The following EPRS1 variants were observed in gnomAD, a reference collection of about 807,000 sequenced individuals.
The protein encoded by EPRS1 is glutamyl-prolyl-tRNA synthetase 1, also known as bifunctional glutamate/proline--tRNA ligase.
In EPRS1, 107 loss-of-function variants were observed where a neutral mutation model predicts 188.3. That is an observed-to-expected ratio of 0.57 (90% confidence interval 0.49 to 0.67). EPRS1 has a LOEUF of 0.67. Ranked by LOEUF, EPRS1 falls within the 30% of genes least tolerant of loss-of-function variation. EPRS1 has a pLI of 0.00. For missense variants in EPRS1, 1,577 were observed against 1,802.2 expected, an observed-to-expected ratio of 0.88 and a Z score of 2.26; for synonymous variants, 596 against 593.1, an observed-to-expected ratio of 1.00 and a Z score of -0.07.
Position 219,997,134 on chromosome 1 carries a change from T to C in EPRS1, c.2390A>G (p.Gln797Arg). 2 of 1,614,104 alleles carry C rather than the reference T, an allele frequency of 1.2e-6. No individual in the cohort carries two copies. The highest frequency in any genetic ancestry group is 1.7e-6 in the Non-Finnish European group (2 of 1,179,978). The change falls in exon 18 of 32, where the codon CAG (glutamine) becomes CGG (arginine). Residue 797 changes from glutamine (Q) to arginine (R), a missense_variant. Around this residue, in one of 3 missense-constraint regions of EPRS1, gnomAD observed 1,278 missense variants for 1,457.4 expected, o/e 0.88. Coordinates refer to ENST00000366923, the MANE Select transcript of EPRS1 (RefSeq NM_004446.3). ...AGGAGGGTTTCCAGGTTTATATTCC[T>C]GGCCAGTTTTCTCCTTATATTCAGC... is the stretch of plus-strand genomic sequence containing the variant. ...LKAEYKEKTG[Q>R]EYKPGNPPAE...
intron 20 of EPRS1, among the ~76,000 whole-genome samples, chr1:219,986,617 T>C (rs2102567582): frequency 6.6e-6 from 1 of 152,284 alleles, no homozygotes; most frequent in Admixed American, 6.5e-5. Flanking sequence ...ATTTTGTCTT[T>C]AGTCAGTTTT....
chr1:220,024,486 T>C (rs757336960), intron 7 of EPRS1, 30 bp from the exon 8 acceptor site: 1 of 1,529,160 alleles, frequency 6.5e-7, no homozygotes, highest in Non-Finnish European at 8.8e-7. Flanking sequence ...TAACCATCAG[T>C]ATATCTTTTG....
chr1:219,999,328 T>C (rs1026971050), intron 17 of EPRS1, among the ~76,000 whole-genome samples: 7 of 152,028 alleles, frequency 4.6e-5, no homozygotes, highest in African/African-American at 1.2e-4. Context: ...TATTCAAAAG[T>C]GTGCAGGTTT....
intron 2 of EPRS1, among the ~76,000 whole-genome samples, chr1:220,037,242 C>T (rs758345236): frequency 2.6e-5 from 4 of 151,898 alleles, no homozygotes; most frequent in Non-Finnish European, 5.9e-5. Context: ...TGGTGGCTCA[C>T]GCCTGTGATC....
At chr1:219,982,420 A>C (rs1660916863) in intron 23 of EPRS1, 1 of 163,740 alleles carries the variant, frequency 6.1e-6, no homozygotes, top group Non-Finnish European at 1.3e-5. Flanking sequence ...TGTATTATTA[A>C]AATTTAAAAA....
At chr1:219,973,598 C>A (rs1660714351) in intron 28 of EPRS1, among the ~76,000 whole-genome samples, 200 bp from the exon 29 acceptor site, 1 of 150,964 alleles carries the variant, frequency 6.6e-6, no homozygotes, top group Non-Finnish European at 1.5e-5. Context: ...AGGCATAAAC[C>A]TAAAAAAAAA....
At chr1:220,038,783 T>C (rs1294219230) in intron 2 of EPRS1, among the ~76,000 whole-genome samples, 2 of 151,248 alleles carry the variant, frequency 1.3e-5, no homozygotes, top group African/African-American at 4.9e-5. Flanking sequence ...CGCAGGGAGG[T>C]GAGGGAGCAA....
chr1:219,982,611 C>T (rs1660920326), intron 23 of EPRS1, 161 bp downstream of exon 23: 4 of 569,152 alleles, frequency 7.0e-6, no homozygotes, highest in Admixed American at 6.4e-5. Flanking sequence ...GAATAAAACT[C>T]TAGACAACTT....
rs115489488 is a variant in EPRS1 at position 220,032,363 on chromosome 1, A to T, written c.528+24T>A. The T allele has an allele frequency of 0.014, 19,452 of 1,419,292 alleles. 1,150 individuals are homozygous for T. In the African/African-American group the frequency reaches 0.19, roughly 14 times the overall value. 87.9% of individuals were successfully genotyped at this position (1,419,292 alleles called of 1,614,324 possible). Reference sequence around the variant, plus strand: ...AGCCTCCCAAAGTGTTTTTTTTTTTAAAAAAAAAGAAAAAAAGGCTTACCA... The same window carrying T: ...AGCCTCCCAAAGTGTTTTTTTTTTTTAAAAAAAAGAAAAAAAGGCTTACCA... On this transcript the variant is annotated intron_variant, in intron 5 of 31. Coordinates refer to ENST00000366923, the MANE Select transcript of EPRS1 (RefSeq NM_004446.3).
intron 16 of EPRS1, among the ~76,000 whole-genome samples, chr1:220,001,464 C>T (rs767019933): frequency 6.6e-6 from 1 of 152,088 alleles, no homozygotes; most frequent in Admixed American, 6.6e-5. Context: ...CTCCTGCGTT[C>T]AAGTGATTCT....
intron 17 of EPRS1, among the ~76,000 whole-genome samples, chr1:219,998,676 G>A (rs150048233): frequency 0.015 from 2,295 of 151,364 alleles, 48 homozygotes; most frequent in African/African-American, 0.045. Flanking sequence ...CCAAGTAGCT[G>A]GGATTACAGG....
intron 18 of EPRS1, among the ~76,000 whole-genome samples, chr1:219,991,142 A>G (rs1435937399): frequency 6.6e-6 from 1 of 150,804 alleles, no homozygotes; most frequent in Non-Finnish European, 1.5e-5. Context: ...TTACATTCTG[A>G]TTACATTCAG....
chr1:219,969,746 T>C (rs751103358), intron 30 of EPRS1, among the ~76,000 whole-genome samples: 4 of 152,184 alleles, frequency 2.6e-5, no homozygotes, highest in African/African-American at 4.8e-5. Context: ...ATTTTGAAAT[T>C]TGCCATGTGT....
intron 29 of EPRS1, 79 bp downstream of exon 29, chr1:219,973,159 C>A (rs1484144519): frequency 3.1e-6 from 4 of 1,277,922 alleles, no homozygotes; most frequent in African/African-American, 1.5e-5. Context: ...ATTGGGGCAA[C>A]CCCAAAAATT....
At chr1:219,992,471 CTCTT>C (rs1005832345) in intron 18 of EPRS1, among the ~76,000 whole-genome samples, 4 of 152,202 alleles carry the variant, frequency 2.6e-5, no homozygotes, top group African/African-American at 9.7e-5. Context: ...GTTCTCAAAA[CTCTT>C]TCTTCCATGG....
chr1:220,029,717 C>T (rs536849974), intron 6 of EPRS1, among the ~76,000 whole-genome samples: 70 of 152,276 alleles, frequency 4.6e-4, no homozygotes, highest in African/African-American at 1.6e-3. Context: ...ATTGGAAGGA[C>T]GCTATTATAA....
rs1292690271 is a variant in EPRS1 at position 220,022,422 on chromosome 1, T to A, written c.1040A>T (p.Asn347Ile). ...CLRAKIDMSS[N>I]NGCMRDPTLY... ...GGTTGGATCTCTCATGCATCCATTGTTACTACTCATGTCAATTTTTGCTCG... is the reference window on the plus strand; with the variant it reads ...GGTTGGATCTCTCATGCATCCATTGATACTACTCATGTCAATTTTTGCTCG... Residue 347 changes from asparagine (N) to isoleucine (I), a missense_variant, in exon 9 of 32, where the codon AAC (asparagine) becomes ATC (isoleucine). Asn to Ile is a moderately radical substitution (Grantham distance 149). Around this residue, in one of 3 missense-constraint regions of EPRS1, gnomAD observed 1,278 missense variants for 1,457.4 expected, o/e 0.88. Coordinates refer to ENST00000366923, the MANE Select transcript of EPRS1 (RefSeq NM_004446.3). 1 of 1,614,066 alleles carries A rather than the reference T, an allele frequency of 6.2e-7. No homozygotes were observed. The highest frequency in any genetic ancestry group is 2.2e-5 in the East Asian group (1 of 44,892).
rs1272298078 is a variant in EPRS1 at position 220,018,524 on chromosome 1, A to C, written c.1435-16T>G. ...GTGAGGAGCCCTAAAAAACAATAAC[A>C]ACATGATTTTAAGGGCAAGCAGTAT... On this transcript the variant is annotated splice_polypyrimidine_tract_variant and intron_variant, in intron 11 of 31. Transcript: ENST00000366923. The C allele has an allele frequency of 1.3e-6, 2 of 1,592,826 alleles. No homozygotes were observed. The highest frequency in any genetic ancestry group is 1.7e-6 in the Non-Finnish European group (2 of 1,161,664).
At chr1:220,020,870 A>ATATATATATATATATATATATATG (rs1219334636) in intron 9 of EPRS1, among the ~76,000 whole-genome samples, 5 of 77,294 alleles carry the variant, frequency 6.5e-5, no homozygotes, top group Non-Finnish European at 1.0e-4. Flanking sequence ...ATATATATAT[A>ATATATATATATATATATATATATG]TTAGTGCATT....
Sources: allele counts gnomAD v4.1 joint callset (sites outside exome capture counted in the v4.1 genomes callset), GRCh38; gene constraint gnomAD v4.1.1; regional missense constraint gnomAD v4.1.1; transcripts MANE v1.5; gene names NCBI Gene and HGNC (gene_info 2026-07-23, HGNC 2026-07-21).